The following CGAS variants were observed in gnomAD, a reference collection of about 807,000 sequenced individuals.
CGAS encodes cyclic GMP-AMP synthase, also known as 2'3'-cGAMP synthase.
CGAS carries 31 observed loss-of-function variants against 34.0 expected under a neutral mutation model. That is an observed-to-expected ratio of 0.91 (90% CI 0.69 to 1.23). The LOEUF is 1.23. Among genes scored for constraint, CGAS ranks in the 50% most tolerant of loss-of-function variants. CGAS has a pLI of 0.00. For synonymous variants in CGAS, 266 were observed against 260.0 expected (o/e 1.02, Z -0.22); for missense variants, 597 against 657.6 (o/e 0.91, Z 1.01).
At chr6:73,433,788 G>C (rs1185009349) in intron 3 of CGAS, among the ~76,000 whole-genome samples, 1 of 151,952 alleles carries the variant, frequency 6.6e-6, no homozygotes, top group African/African-American at 2.4e-5. Flanking sequence ...CGCCTGGCTA[G>C]AGTTTTTACA....
At chr6:73,449,519 T>C (rs1770527331) in intron 1 of CGAS, among the ~76,000 whole-genome samples, 1 of 89,372 alleles carries the variant, frequency 1.1e-5, no homozygotes, top group Non-Finnish European at 2.6e-5. Context: ...AAAGTGGTTC[T>C]GAATGGAGAC....
rs1770039044 is a variant in CGAS at position 73,423,991 on chromosome 6, T to C, written c.*1236A>G. 1 of 152,028 alleles carries C rather than the reference T, an allele frequency of 6.6e-6. No individual in the cohort carries two copies. The highest frequency in any genetic ancestry group is 1.5e-5 in the Non-Finnish European group (1 of 67,996). The allele number at this position is 152,028 out of a possible 1,614,324, so 9.4% of individuals were successfully genotyped here. A position where few individuals can be genotyped will look rare whatever the true frequency, so the allele number is the denominator to read the frequency against. On this transcript the variant is annotated 3_prime_UTR_variant, in exon 5 of 5. Transcript: ENST00000370315. ...GTGCAAAATATATGAACAGGAAATA[T>C]TTAACAAACAGCAGTTGCCTCTAGG...
intron 1 of CGAS, among the ~76,000 whole-genome samples, chr6:73,447,430 C>G (rs1352906541): frequency 6.6e-6 from 1 of 151,900 alleles, no homozygotes; most frequent in African/African-American, 2.4e-5. Context: ...AATACAGGCG[C>G]GCACCAACAC....
Position 73,425,228 on chromosome 6 carries a change from C to A in CGAS, c.1568G>T (p.Ter523LeuextTer8). ...TTAGATCTTTCTAAAAATACAATCT[C>A]AAAATTCATCAAAAACTGGAAACTC... ...NNEFPVFDEF* is the reference protein window; with the variant it reads ...NNEFPVFDEFL The change falls in exon 5 of 5, where the codon TGA becomes TTA. Residue 523 changes from the stop codon to leucine (L), a stop_lost. Coordinates refer to ENST00000370315, the MANE Select transcript of CGAS (RefSeq NM_138441.3). The A allele has an allele frequency of 6.4e-7, 1 of 1,560,758 alleles. No individual in the cohort carries two copies. Among genetic ancestry groups the A allele is most frequent in the Admixed American group, 2.0e-5 (1 of 50,054 alleles).
chr6:73,440,834 G>A (rs1172892086), intron 2 of CGAS, among the ~76,000 whole-genome samples: 2 of 151,746 alleles, frequency 1.3e-5, no homozygotes, highest in Non-Finnish European at 2.9e-5. Flanking sequence ...CCCAGGAGGC[G>A]GAGGTTGCAG....
At chr6:73,444,151 G>A (rs1443314939) in intron 2 of CGAS, among the ~76,000 whole-genome samples, 1 of 151,764 alleles carries the variant, frequency 6.6e-6, no homozygotes, top group Non-Finnish European at 1.5e-5. Flanking sequence ...CACCACGCCT[G>A]GCTAATTTTT....
Position 73,442,623 on chromosome 6 carries a change from C to T in CGAS, c.878-2178G>A, listed in dbSNP as rs193096495. On this transcript the variant is annotated intron_variant, in intron 2 of 4. Transcript: ENST00000370315. ...TTTTTTTTTTTTTTTTTTTCTGAGA[C>T]AGTCTTGCTCTGTCGCTCAGGCTGG... Among the ~76,000 whole-genome samples the T allele has an allele frequency of 4.7e-5, 6 of 126,644 alleles. No homozygotes were observed. In the East Asian group the frequency reaches 1.4e-3, roughly 30 times the overall value. 83.1% of individuals were successfully genotyped at this position (126,644 alleles called of 152,430 possible).
intron 4 of CGAS, among the ~76,000 whole-genome samples, chr6:73,427,217 G>T (rs762183161): frequency 1.6e-4 from 25 of 151,694 alleles, no homozygotes; most frequent in South Asian, 6.2e-4. Flanking sequence ...CTCTGTGCCT[G>T]CATGTTGGGC....
At chr6:73,442,711 G>A (rs1304510758) in intron 2 of CGAS, among the ~76,000 whole-genome samples, 1 of 139,540 alleles carries the variant, frequency 7.2e-6, no homozygotes, top group African/African-American at 2.7e-5. Flanking sequence ...CAATTCTTTT[G>A]CCTCAACTTC....
At chr6:73,428,928 T>A in intron 3 of CGAS, 117 bp from the exon 4 acceptor site, 2 of 885,094 alleles carry the variant, frequency 2.3e-6, no homozygotes, top group Non-Finnish European at 3.4e-6. Context: ...GGCTCACGCC[T>A]GTAATCTCAG....
chr6:73,428,490 G>C (rs1770128058), intron 4 of CGAS, among the ~76,000 whole-genome samples: 1 of 152,062 alleles, frequency 6.6e-6, no homozygotes, highest in Non-Finnish European at 1.5e-5. Context: ...CCAGGGTTCA[G>C]AACTACTATT....
Position 73,440,364 on chromosome 6 carries a change from A to T in CGAS, c.959T>A (p.Ile320Lys). ...ACTTTTTGATTCCAAAGCCAGGGTT[A>T]TATCCACAGATATTTTTTCACTAAT... Reference protein sequence around the residue: ...LLISEKISVDITLALESKSSW... With the variant: ...LLISEKISVDKTLALESKSSW... The change falls in exon 3 of 5, where the codon ATA (isoleucine) becomes AAA (lysine). Residue 320 changes from isoleucine to lysine, a missense_variant. By Grantham distance (102) the Ile-to-Lys change is moderately radical. Around this residue, in one of 3 missense-constraint regions of CGAS, gnomAD observed 271 missense variants for 324.1 expected, o/e 0.84. Transcript: ENST00000370315. The T allele has an allele frequency of 6.2e-7, 1 of 1,614,188 alleles. No homozygotes were observed. The highest frequency in any genetic ancestry group is 8.5e-7 in the Non-Finnish European group (1 of 1,180,032).
intron 3 of CGAS, among the ~76,000 whole-genome samples, chr6:73,431,196 C>T (rs1770190667): frequency 6.6e-6 from 1 of 151,556 alleles, no homozygotes; most frequent in Admixed American, 6.6e-5. Flanking sequence ...TGAGGCCAGG[C>T]ACAGTGGCTC....
chr6:73,424,927 C>T lies in CGAS; in HGVS notation c.*300G>A, dbSNP rs1035637719. On this transcript the variant is annotated 3_prime_UTR_variant, in exon 5 of 5. Transcript: ENST00000370315. Reference sequence around the variant, plus strand: ...GGAGTGCAGTGGTGCCATCTTGACTCACTGCAACCTCCACCTCCTGGGTTC... The same window carrying T: ...GGAGTGCAGTGGTGCCATCTTGACTTACTGCAACCTCCACCTCCTGGGTTC... 2.8e-5 allele frequency: 5 copies of T among 179,084 alleles called. No individual in the cohort carries two copies. The highest frequency in any genetic ancestry group is 1.2e-4 in the African/African-American group (5 of 41,768). The allele number at this position is 179,084 out of a possible 1,614,324, so 11.1% of individuals were successfully genotyped here. A position where few individuals can be genotyped will look rare whatever the true frequency, so the allele number is the denominator to read the frequency against.
intron 2 of CGAS, among the ~76,000 whole-genome samples, chr6:73,444,053 G>C (rs931312267): frequency 5.9e-5 from 9 of 152,068 alleles, no homozygotes; most frequent in African/African-American, 2.2e-4. Flanking sequence ...GCAGTGGCAC[G>C]ATCTCGGCTC....
chr6:73,428,989 C>T (rs1770136545), intron 3 of CGAS, among the ~76,000 whole-genome samples, 178 bp from the exon 4 acceptor site: 1 of 151,762 alleles, frequency 6.6e-6, no homozygotes, highest in Admixed American at 6.6e-5. Context: ...GAGTTCGAGA[C>T]CAGCCTGACC....
intron 3 of CGAS, 141 bp from the exon 4 acceptor site, chr6:73,428,952 CGAG>C (rs1203190108): frequency 1.4e-6 from 1 of 711,094 alleles, no homozygotes; most frequent in Non-Finnish European, 2.3e-6. Context: ...TTTGGGAGGC[CGAG>C]GAGGGTGGGT....
intron 3 of CGAS, among the ~76,000 whole-genome samples, chr6:73,436,494 T>C (rs1204949072): frequency 1.3e-5 from 2 of 151,228 alleles, no homozygotes; most frequent in Non-Finnish European, 2.9e-5. Flanking sequence ...CACATTTATA[T>C]GCCATCCCCT....
intron 3 of CGAS, among the ~76,000 whole-genome samples, chr6:73,437,377 A>G (rs534384444): frequency 6.6e-6 from 1 of 152,188 alleles, no homozygotes; most frequent in Non-Finnish European, 1.5e-5. Flanking sequence ...GTATCTAAAA[A>G]CAGATAACAT....
Sources: allele counts gnomAD v4.1 joint callset (sites outside exome capture counted in the v4.1 genomes callset), GRCh38; gene constraint gnomAD v4.1.1; regional missense constraint gnomAD v4.1.1; transcripts MANE v1.5; gene names NCBI Gene and HGNC (gene_info 2026-07-23, HGNC 2026-07-21).